Variants in GALNT13 observed in about 807,000 individuals in gnomAD.
GALNT13 encodes the protein polypeptide N-acetylgalactosaminyltransferase 13.
Under a neutral mutation model 64.2 loss-of-function variants are expected in GALNT13, and 28 were observed. The ratio of observed to expected loss-of-function variants is 0.44; its 90% CI spans 0.32 to 0.60. GALNT13 has a LOEUF of 0.60. Among genes scored for constraint, GALNT13 ranks in the 20% least tolerant of loss-of-function variants. The probability of loss-of-function intolerance (pLI) is 0.05; values close to 1 mark genes in which losing one functional copy is unlikely to be tolerated. For synonymous variants in GALNT13, 214 were observed against 224.6 expected (o/e 0.95, Z 0.42); for missense variants, 577 against 669.8 (o/e 0.86, Z 1.53).
At chr2:153,858,075 GGAAA>G in the GALNT13 span, among the ~76,000 whole-genome samples, 1 of 152,140 alleles carries the variant, frequency 6.6e-6, no homozygotes, top group Non-Finnish European at 1.5e-5. Flanking sequence ...AAATCAACTA[GGAAA>G]GAGAGATAGG....
At chr2:154,130,110 A>G (rs1032100101) in intron 3 of GALNT13, among the ~76,000 whole-genome samples, 6 of 152,076 alleles carry the variant, frequency 3.9e-5, no homozygotes, top group African/African-American at 1.2e-4. Flanking sequence ...ATTTAATCTA[A>G]GCTTGCAATT....
At chr2:153,250,862 A>C in the GALNT13 span, among the ~76,000 whole-genome samples, 24 of 151,690 alleles carry the variant, frequency 1.6e-4, 1 homozygote, top group South Asian at 5.0e-3. Context: ...GACATTACAC[A>C]CCAGGGCCTG....
the GALNT13 span, among the ~76,000 whole-genome samples, chr2:153,545,344 G>T: frequency 1.3e-5 from 2 of 152,180 alleles, no homozygotes; most frequent in Admixed American, 6.5e-5. Flanking sequence ...CAGAGGATGT[G>T]TACTGCTGCC....
the GALNT13 span, among the ~76,000 whole-genome samples, chr2:153,285,588 A>G: frequency 5.6e-3 from 859 of 152,292 alleles, 8 homozygotes; most frequent in African/African-American, 0.019. Flanking sequence ...ATAAATTGAC[A>G]TTTATTTGTA....
At chr2:153,564,590 A>T in the GALNT13 span, among the ~76,000 whole-genome samples, 1 of 146,700 alleles carries the variant, frequency 6.8e-6, no homozygotes, top group African/African-American at 2.7e-5. Flanking sequence ...ACATATGAGG[A>T]TTAGTTTTTT....
chr2:153,514,316 A>T, the GALNT13 span, among the ~76,000 whole-genome samples: 1 of 152,108 alleles, frequency 6.6e-6, no homozygotes, highest in Non-Finnish European at 1.5e-5. Flanking sequence ...CACTGTTGCC[A>T]ATTGATTGTT....
At chr2:153,812,147 T>G in the GALNT13 span, among the ~76,000 whole-genome samples, 1 of 152,198 alleles carries the variant, frequency 6.6e-6, no homozygotes, top group Non-Finnish European at 1.5e-5. Context: ...TGCCTGTTCT[T>G]AAATTTTCTG....
the GALNT13 span, among the ~76,000 whole-genome samples, chr2:153,215,831 A>G: frequency 6.6e-6 from 1 of 151,192 alleles, no homozygotes; most frequent in Non-Finnish European, 1.5e-5. Context: ...TTTAAAATTT[A>G]TTTTTAAATT....
chr2:153,618,840 C>G, the GALNT13 span, among the ~76,000 whole-genome samples: 2 of 151,854 alleles, frequency 1.3e-5, no homozygotes, highest in African/African-American at 4.8e-5. Context: ...GTAGCAACTT[C>G]TGCTCCTTTT....
At chr2:153,997,655 A>G (rs959758058) in intron 3 of GALNT13, among the ~76,000 whole-genome samples, 2 of 152,044 alleles carry the variant, frequency 1.3e-5, no homozygotes, top group African/African-American at 4.8e-5. Context: ...AAATTTTTTT[A>G]AACTATACTT....
At chr2:154,288,830 C>G (rs1331268461) in intron 8 of GALNT13, among the ~76,000 whole-genome samples, 1 of 152,226 alleles carries the variant, frequency 6.6e-6, no homozygotes, top group Non-Finnish European at 1.5e-5. Flanking sequence ...CACAGGCTGG[C>G]ACGGAGTGCC....
intron 3 of GALNT13, among the ~76,000 whole-genome samples, chr2:154,097,807 T>C (rs1398639190): frequency 6.6e-6 from 1 of 152,164 alleles, no homozygotes; most frequent in Non-Finnish European, 1.5e-5. Context: ...ATTTTCATTT[T>C]ACAGCATAAG....
the GALNT13 span, among the ~76,000 whole-genome samples, chr2:153,407,093 T>C: frequency 2.0e-5 from 3 of 152,250 alleles, no homozygotes; most frequent in Non-Finnish European, 4.4e-5. Context: ...ATCAGTGTTA[T>C]TTTCATTTCC....
At chr2:154,378,753 A>C (rs1346181978) in intron 9 of GALNT13, among the ~76,000 whole-genome samples, 1 of 151,950 alleles carries the variant, frequency 6.6e-6, no homozygotes, top group African/African-American at 2.4e-5. Context: ...CCCTGATTTG[A>C]TCATTATACA....
chr2:154,081,621 A>G (rs542446417), intron 3 of GALNT13, among the ~76,000 whole-genome samples: 1 of 151,676 alleles, frequency 6.6e-6, no homozygotes, highest in South Asian at 2.1e-4. Flanking sequence ...TTCTACTTGT[A>G]TCCTCACCCA....
intron 1 of GALNT13, among the ~76,000 whole-genome samples, chr2:153,879,220 A>C (rs1686600850): frequency 6.6e-6 from 1 of 152,340 alleles, no homozygotes; most frequent in South Asian, 2.1e-4. Flanking sequence ...GACCTTCAAA[A>C]GTAGATTTTA....
At chr2:153,840,130 A>G in the GALNT13 span, among the ~76,000 whole-genome samples, 1 of 152,102 alleles carries the variant, frequency 6.6e-6, no homozygotes, top group South Asian at 2.1e-4. Flanking sequence ...GCTCTAATGC[A>G]TTGAAGAACT....
the GALNT13 span, among the ~76,000 whole-genome samples, chr2:153,613,470 G>T: frequency 6.6e-6 from 1 of 152,074 alleles, no homozygotes; most frequent in African/African-American, 2.4e-5. Flanking sequence ...TAACTCAATT[G>T]TATTAGGGCT....
At chr2:154,446,614 A>G (rs1701591868) in intron 12 of GALNT13, 3 of 1,548,122 alleles carry the variant, frequency 1.9e-6, no homozygotes, top group Non-Finnish European at 2.6e-6. Flanking sequence ...CTCTCAGTGA[A>G]CAAAGTAGCT....
Sources: allele counts gnomAD v4.1 joint callset (sites outside exome capture counted in the v4.1 genomes callset), GRCh38; gene constraint gnomAD v4.1.1; transcripts MANE v1.5; gene names NCBI Gene and HGNC (gene_info 2026-07-23, HGNC 2026-07-21).